FAM184B: variants seen among roughly 807,000 people sequenced by gnomAD.
FAM184B encodes the protein protein FAM184B.
FAM184B carries 111 observed loss-of-function variants against 135.9 expected under a neutral mutation model. The ratio of observed to expected loss-of-function variants is 0.82; its 90% CI spans 0.70 to 0.96. The LOEUF (loss-of-function observed/expected upper bound fraction) is 0.96. Ranked by LOEUF, FAM184B falls within the 40% of genes least tolerant of loss-of-function variation. FAM184B has a pLI of 0.00. For synonymous variants in FAM184B, 552 were observed against 524.8 expected (o/e 1.05, Z -0.71); for missense variants, 1,375 against 1,323.9 (o/e 1.04, Z -0.60).
Position 17,630,850 on chromosome 4 carries a change from C to G in FAM184B, c.*1682G>C, listed in dbSNP as rs1302491748. The G allele has an allele frequency of 6.6e-6, 1 of 151,856 alleles. No homozygotes were observed. Among genetic ancestry groups the G allele is most frequent in the African/African-American group, 2.4e-5 (1 of 41,314 alleles). 9.4% of individuals were successfully genotyped at this position (151,856 alleles called of 1,614,324 possible). Reference sequence around the variant, plus strand: ...CTTTCTATTTCTAAGCTGTCTTCATCTAATTTTACCTTTCTGTGGAAAATC... The same window carrying G: ...CTTTCTATTTCTAAGCTGTCTTCATGTAATTTTACCTTTCTGTGGAAAATC... On this transcript the variant is annotated 3_prime_UTR_variant, in exon 18 of 18. Transcript: ENST00000265018.
At chr4:17,732,838 A>T (rs1717815184) in intron 1 of FAM184B, among the ~76,000 whole-genome samples, 2 of 152,202 alleles carry the variant, frequency 1.3e-5, no homozygotes, top group South Asian at 4.1e-4. Flanking sequence ...TCATTTTATG[A>T]GGCCAGCATC....
intron 1 of FAM184B, among the ~76,000 whole-genome samples, chr4:17,740,020 C>A (rs1717996427): frequency 6.6e-6 from 1 of 152,122 alleles, no homozygotes; most frequent in Non-Finnish European, 1.5e-5. Context: ...ATCTTCCGCA[C>A]CTTGCATAGT....
chr4:17,709,733 G>A (rs768613114), intron 1 of FAM184B, 89 bp from the exon 2 acceptor site: 3 of 1,222,814 alleles, frequency 2.5e-6, no homozygotes, highest in Non-Finnish European at 1.1e-6. Context: ...CCTGCATGGC[G>A]GTTGATCTGC....
chr4:17,734,070 A>G (rs151025258), intron 1 of FAM184B, among the ~76,000 whole-genome samples: 32,334 of 152,216 alleles, frequency 0.21, 4,433 homozygotes, highest in Non-Finnish European at 0.3. Context: ...GACAAAAACA[A>G]GCAATGGGGA....
At chr4:17,641,588 C>T (rs539130019) in intron 13 of FAM184B, among the ~76,000 whole-genome samples, 1 of 140,854 alleles carries the variant, frequency 7.1e-6, no homozygotes, top group East Asian at 2.1e-4. Flanking sequence ...ACGCGATTTT[C>T]CTGCCTCAGC....
Position 17,727,621 on chromosome 4 carries a change from G to A in FAM184B, c.142-17977C>T, listed in dbSNP as rs562513267. ...GGAGAGAGTGAGTTCAGGGGAAATTGCCACTTTTAAATCATCAGATCTTGT... is the reference window on the plus strand; with the variant it reads ...GGAGAGAGTGAGTTCAGGGGAAATTACCACTTTTAAATCATCAGATCTTGT... On this transcript the variant is annotated intron_variant, in intron 1 of 17. Coordinates refer to ENST00000265018, the MANE Select transcript of FAM184B (RefSeq NM_015688.2). 2.0e-5 allele frequency among the ~76,000 whole-genome samples: 3 copies of A among 152,258 alleles called. No individual in the cohort carries two copies. The South Asian group carries it at 6.2e-4, about 32-fold the overall frequency.
Position 17,710,122 on chromosome 4 carries a change from T to A in FAM184B, c.142-478A>T, listed in dbSNP as rs1717226385. 3.3e-5 allele frequency among the ~76,000 whole-genome samples: 5 copies of A among 152,260 alleles called. No homozygotes were observed. In the South Asian group the frequency reaches 1.0e-3, roughly 32 times the overall value. On this transcript the variant is annotated intron_variant, in intron 1 of 17. Coordinates refer to ENST00000265018, the MANE Select transcript of FAM184B (RefSeq NM_015688.2). ...AGGCGGATCACCTGAGGTCAGGAGT[T>A]CGAGACCAGCCTAGCCAACATGGCG...
chr4:17,633,929 AAAACAAAAT>A, intron 16 of FAM184B, 41 bp from the exon 17 acceptor site: 1 of 1,299,546 alleles, frequency 7.7e-7, no homozygotes, highest in South Asian at 1.9e-5. Context: ...TGCAATGCAA[AAAACAAAAT>A]AAAGCATTAT....
chr4:17,721,382 T>TAAAAAAAAAAAAAAAA (rs1717522850), intron 1 of FAM184B, among the ~76,000 whole-genome samples: 1 of 3,650 alleles, frequency 2.7e-4, no homozygotes, highest in Non-Finnish European at 1.2e-3. Context: ...AGATTCTGTC[T>TAAAAAAAAAAAAAAAA]CAAAAAAAAA....
At chr4:17,666,111 C>T (rs1716042398) in intron 7 of FAM184B, among the ~76,000 whole-genome samples, 1 of 152,080 alleles carries the variant, frequency 6.6e-6, no homozygotes, top group African/African-American at 2.4e-5. Context: ...GCAGCTCATC[C>T]CTGGCTTAAA....
At chr4:17,669,859 A>G (rs910571516) in intron 7 of FAM184B, among the ~76,000 whole-genome samples, 5 of 152,260 alleles carry the variant, frequency 3.3e-5, no homozygotes, top group Non-Finnish European at 5.9e-5. Flanking sequence ...AGCTAAAAAA[A>G]TAAACCAATA....
intron 11 of FAM184B, among the ~76,000 whole-genome samples, chr4:17,651,612 A>C (rs2108936903): frequency 6.6e-6 from 1 of 151,774 alleles, no homozygotes; most frequent in Non-Finnish European, 1.5e-5. Flanking sequence ...ACTTAGATAG[A>C]CTTACTGCAT....
At chr4:17,633,971 C>CCAAT in intron 16 of FAM184B, 83 bp from the exon 17 acceptor site, 1 of 1,120,008 alleles carries the variant, frequency 8.9e-7, no homozygotes, top group East Asian at 3.0e-5. Context: ...TAATGCTCAC[C>CCAAT]CAATCAAAAT....
chr4:17,726,027 C>T (rs890735710), intron 1 of FAM184B, among the ~76,000 whole-genome samples: 3 of 151,840 alleles, frequency 2.0e-5, no homozygotes, highest in Non-Finnish European at 2.9e-5. Flanking sequence ...AGGTTCACGC[C>T]ATTCTCCTGT....
chr4:17,661,559 A>G (rs1166751836), intron 8 of FAM184B, among the ~76,000 whole-genome samples: 2 of 152,206 alleles, frequency 1.3e-5, no homozygotes, highest in Non-Finnish European at 2.9e-5. Flanking sequence ...ACCTCAAACA[A>G]ACAAACAAAT....
intron 14 of FAM184B, 115 bp from the exon 15 acceptor site, chr4:17,636,760 C>T: frequency 1.2e-6 from 1 of 860,878 alleles, no homozygotes; most frequent in Non-Finnish European, 1.7e-6. Flanking sequence ...CAGGGAGGCC[C>T]AGATAGCAGC....
At chr4:17,704,396 A>G (rs1298955118) in intron 5 of FAM184B, among the ~76,000 whole-genome samples, 1 of 152,194 alleles carries the variant, frequency 6.6e-6, no homozygotes, top group Non-Finnish European at 1.5e-5. Context: ...TCACTTTGGC[A>G]TGCTGCTGAT....
intron 7 of FAM184B, among the ~76,000 whole-genome samples, chr4:17,678,916 CAT>C (rs918346948): frequency 3.4e-4 from 51 of 152,126 alleles, no homozygotes; most frequent in African/African-American, 1.2e-3. Context: ...AAACAAAAAA[CAT>C]AAAGTGGGGA....
Position 17,733,343 on chromosome 4 carries a change from C to G in FAM184B, c.142-23699G>C, listed in dbSNP as rs538689512. Among the ~76,000 whole-genome samples the G allele has an allele frequency of 5.3e-5, 8 of 152,288 alleles. No homozygotes were observed. The East Asian group carries it at 1.5e-3, about 29-fold the overall frequency. On this transcript the variant is annotated intron_variant, in intron 1 of 17. Transcript: ENST00000265018. ...TGTTGGAAGTTCTGGCCACGGTAATCAGGCAGGAGACAGAAAGGGTATTCA... is the reference window on the plus strand; with the variant it reads ...TGTTGGAAGTTCTGGCCACGGTAATGAGGCAGGAGACAGAAAGGGTATTCA...
Sources: allele counts gnomAD v4.1 joint callset (sites outside exome capture counted in the v4.1 genomes callset), GRCh38; gene constraint gnomAD v4.1.1; transcripts MANE v1.5; gene names NCBI Gene and HGNC (gene_info 2026-07-23, HGNC 2026-07-21).